Variants in ZNF7 observed in about 807,000 individuals in gnomAD.
ZNF7 encodes zinc finger protein 7.
Under a neutral mutation model 12.0 loss-of-function variants are expected in ZNF7, and 10 were observed. The observed-to-expected ratio is 0.83, with a 90% CI of 0.51 to 1.42. ZNF7 has a LOEUF of 1.42. Among genes scored for constraint, ZNF7 ranks in the 40% most tolerant of loss-of-function variants. The pLI is 0.00. For synonymous variants in ZNF7, 334 were observed against 295.0 expected, an observed-to-expected ratio of 1.13 and a Z score of -1.35; for missense variants, 854 against 837.2, an observed-to-expected ratio of 1.02 and a Z score of -0.25.
rs534931525 is a variant in ZNF7, at chr8:144,831,714, C to T, written c.130+2110C>T. Among the ~76,000 whole-genome samples the T allele has an allele frequency of 8.7e-5, 6 of 68,894 alleles. 2 individuals carry two copies. Among genetic ancestry groups the T allele is most frequent in the South Asian group, 4.6e-4 (1 of 2,176 alleles). 45.2% of individuals were successfully genotyped at this position (68,894 alleles called of 152,430 possible). A position where few individuals can be genotyped will look rare whatever the true frequency, so the allele number is the denominator to read the frequency against. On this transcript the variant is annotated intron_variant, in intron 3 of 4. Coordinates refer to ENST00000532777, the MANE Select transcript of ZNF7 (RefSeq NM_003416.4). ...ACGAGAATCGCTTGAACCCTGGAGGCGGAGCTTGCAGCGAGCTGAGATCGC... is the reference window on the plus strand; with the variant it reads ...ACGAGAATCGCTTGAACCCTGGAGGTGGAGCTTGCAGCGAGCTGAGATCGC...
At chr8:144,835,080 CAT>C (rs1378246702) in intron 3 of ZNF7, 1 of 151,476 alleles carries the variant, frequency 6.6e-6, no homozygotes, top group Non-Finnish European at 1.5e-5. Flanking sequence ...GTAATTTTGA[CAT>C]GTTTGATAAA....
chr8:144,838,861 GAGCCCAGGAGGCAGAGCTTGCAGT>G (rs1829432435), intron 4 of ZNF7: 1 of 36,754 alleles, frequency 2.7e-5, no homozygotes, highest in Non-Finnish European at 1.0e-4. Flanking sequence ...AGAATGGTGT[GAGCCCAGGAGGCAGAGCTTGCAGT>G]GAGCCGAGAT....
intron 3 of ZNF7, chr8:144,835,670 T>A (rs1563831105): frequency 6.6e-6 from 1 of 152,162 alleles, no homozygotes; most frequent in Non-Finnish European, 1.5e-5. Context: ...TTGGAGGATG[T>A]TTTTATTTGT....
At chr8:144,830,336 T>C (rs955898452) in intron 3 of ZNF7, among the ~76,000 whole-genome samples, 1 of 152,238 alleles carries the variant, frequency 6.6e-6, no homozygotes, top group Admixed American at 6.5e-5. Context: ...GCTTTCTGTT[T>C]TGCCAGTCAG....
chr8:144,829,173 C>T, intron 2 of ZNF7, 83 bp downstream of exon 2: 1 of 1,602,572 alleles, frequency 6.2e-7, no homozygotes, highest in Non-Finnish European at 8.5e-7. Flanking sequence ...TGGGCCCAGA[C>T]CCTACCTTGG....
At chr8:144,846,757 G>A (rs1245648106), downstream of ZNF7, 2 of 152,538 alleles carry the variant, frequency 1.3e-5, no homozygotes, top group Non-Finnish European at 2.9e-5. Flanking sequence ...GAAGTGCAGT[G>A]GTGCGGTCTC....
At chr8:144,845,952 G>A (rs144145548), downstream of ZNF7, 102 of 1,534,912 alleles carry the variant, frequency 6.6e-5, no homozygotes, top group African/African-American at 1.3e-3. Context: ...TAGCACAGGG[G>A]TTGCTGTTGC....
intron 2 of ZNF7, 21 bp from the exon 3 acceptor site, chr8:144,829,457 T>C: frequency 1.2e-6 from 2 of 1,613,692 alleles, no homozygotes; most frequent in Non-Finnish European, 1.7e-6. Context: ...ATTCCTGGGG[T>C]GCTGGTGTGT....
chr8:144,839,789 G>T (rs954241674), intron 4 of ZNF7, among the ~76,000 whole-genome samples: 2 of 152,170 alleles, frequency 1.3e-5, no homozygotes, highest in South Asian at 4.1e-4. Context: ...GATACTGAAA[G>T]ATATTGGCCC....
intron 3 of ZNF7, among the ~76,000 whole-genome samples, chr8:144,830,761 T>G (rs1828352309): frequency 2.7e-5 from 4 of 147,588 alleles, no homozygotes; most frequent in Admixed American, 1.4e-4. Context: ...TGAGATGGAG[T>G]CTTGCCCTGT....
At chr8:144,840,144 T>A (rs1349151480) in intron 4 of ZNF7, among the ~76,000 whole-genome samples, 1 of 151,918 alleles carries the variant, frequency 6.6e-6, no homozygotes, top group African/African-American at 2.4e-5. Context: ...TTGGGAGGAG[T>A]GTCAAGCAAG....
At position 144,843,054 on chromosome 8, in the gene ZNF7, A is replaced by C; in HGVS notation, c.1947A>C (p.Leu649=). Residue 649 remains leucine (L), a synonymous_variant, in exon 5 of 5, where the codon CTA becomes CTC. Transcript: ENST00000532777. ...AGATATTTAGGTGGCGTTCACACCT[A>C]ATTATACACCAGAGAATTCACACCG... The part of the protein sequence containing the change: ...CEKIFRWRSH[L]IIHQRIHTGE... The C allele has an allele frequency of 1.9e-6, 3 of 1,614,078 alleles. No homozygotes were observed. The highest frequency in any genetic ancestry group is 2.5e-6 in the Non-Finnish European group (3 of 1,180,008).
chr8:144,837,078 TCTC>T (rs766613746), intron 3 of ZNF7: 9 of 226,570 alleles, frequency 4.0e-5, no homozygotes, highest in Middle Eastern at 1.5e-3. Flanking sequence ...AGCTTGGGCT[TCTC>T]CTTCTCTTTC....
downstream of ZNF7, chr8:144,846,087 C>T (rs1337324480): frequency 2.0e-6 from 3 of 1,536,350 alleles, no homozygotes; most frequent in Non-Finnish European, 1.7e-6. Flanking sequence ...CTGACCCTGC[C>T]TCCTCCTGGG....
chr8:144,843,171 C>T lies in ZNF7; in HGVS notation c.*3C>T. The T allele has an allele frequency of 6.4e-7, 1 of 1,566,636 alleles. No homozygotes were observed. Among genetic ancestry groups the T allele is most frequent in the Non-Finnish European group, 8.6e-7 (1 of 1,160,860 alleles). On this transcript the variant is annotated 3_prime_UTR_variant, in exon 5 of 5. Transcript: ENST00000532777. Reference sequence around the variant, plus strand: ...ATCAAAAAATTCACATGGGATAGACCACTTACATATAAATGTGTATATATG... The same window carrying T: ...ATCAAAAAATTCACATGGGATAGACTACTTACATATAAATGTGTATATATG...
Position 144,843,257 on chromosome 8 carries a change from T to C in ZNF7, c.*89T>C, listed in dbSNP as rs747760704. On this transcript the variant is annotated 3_prime_UTR_variant, in exon 5 of 5. Transcript: ENST00000532777. ...ATGGAATCGTTTATACTGACAAACA[T>C]GTAGAATGTTGGTAAAGGTTCAGAA... is the stretch of plus-strand genomic sequence containing the variant. 4.3e-5 allele frequency: 60 copies of C among 1,404,936 alleles called. No homozygotes were observed. The Middle Eastern group carries it at 1.3e-3, about 31-fold the overall frequency. The allele number at this position is 1,404,936 out of a possible 1,614,324, so 87.0% of individuals were successfully genotyped here. A position where few individuals can be genotyped will look rare whatever the true frequency, so the allele number is the denominator to read the frequency against.
At position 144,842,933 on chromosome 8, in the gene ZNF7, T is replaced by C. The variant is rs1830141547; in HGVS notation, c.1826T>C (p.Phe609Ser). 6.2e-7 allele frequency: 1 copy of C among 1,614,128 alleles called. No homozygotes were observed. The highest frequency in any genetic ancestry group is 8.5e-7 in the Non-Finnish European group (1 of 1,180,022). ...HQRIHTRAQW[F>S]YEYGNALEGS... ...AGAATACACACTAGGGCCCAGTGGT[T>C]TTACGAATATGGGAATGCCCTGGAA... is the stretch of plus-strand genomic sequence containing the variant. Residue 609 changes from phenylalanine to serine, a missense_variant, in exon 5 of 5, where the codon TTT (phenylalanine) becomes TCT (serine). Phe to Ser is a radical substitution (Grantham distance 155). Coordinates refer to ENST00000532777, the MANE Select transcript of ZNF7 (RefSeq NM_003416.4).
intron 1 of ZNF7, 124 bp from the exon 2 acceptor site, chr8:144,828,919 C>T: frequency 7.7e-7 from 1 of 1,297,206 alleles, no homozygotes; most frequent in South Asian, 1.4e-5. Context: ...AGCCCAGCCC[C>T]ATGTCCCTGC....
At position 144,843,301 on chromosome 8, in the gene ZNF7, A is replaced by G; in HGVS notation, c.*133A>G. 1 of 1,175,654 alleles carries G rather than the reference A, an allele frequency of 8.5e-7. No individual in the cohort carries two copies. 72.8% of individuals were successfully genotyped at this position (1,175,654 alleles called of 1,614,324 possible). ...TTCAGAATTGCTCTCAAGAATATCC[A>G]ACTTCAGGCCGAGTGTGGTGGCTTA... On this transcript the variant is annotated 3_prime_UTR_variant, in exon 5 of 5. Coordinates refer to ENST00000532777, the MANE Select transcript of ZNF7 (RefSeq NM_003416.4).
Sources: allele counts gnomAD v4.1 joint callset (sites outside exome capture counted in the v4.1 genomes callset), GRCh38; gene constraint gnomAD v4.1.1; transcripts MANE v1.5; gene names NCBI Gene and HGNC (gene_info 2026-07-23, HGNC 2026-07-21).